FAM117B: variants seen among roughly 807,000 people sequenced by gnomAD.
The protein encoded by FAM117B is family with sequence similarity 117 member B.
Under a neutral mutation model 52.8 loss-of-function variants are expected in FAM117B, and 22 were observed. That is an observed-to-expected ratio of 0.42 (90% CI 0.30 to 0.59). The LOEUF is 0.59. Ranked by LOEUF, FAM117B falls within the 20% of genes least tolerant of loss-of-function variation. The pLI, the probability that FAM117B is intolerant of heterozygous loss-of-function variation, is 0.22. For missense variants in FAM117B, 678 were observed against 802.6 expected, an observed-to-expected ratio of 0.84 and a Z score of 1.88; for synonymous variants, 309 against 324.1, an observed-to-expected ratio of 0.95 and a Z score of 0.50.
chr2:202,729,486 T>C (rs984517591), intron 4 of FAM117B, among the ~76,000 whole-genome samples: 4 of 152,228 alleles, frequency 2.6e-5, no homozygotes, highest in Non-Finnish European at 5.9e-5. Context: ...CATACAATAT[T>C]TATTAATCAT....
chr2:202,734,998 T>A (rs1416587650), intron 4 of FAM117B, among the ~76,000 whole-genome samples: 1 of 152,054 alleles, frequency 6.6e-6, no homozygotes, highest in East Asian at 1.9e-4. Flanking sequence ...ATTGCTGACA[T>A]TTTTTTTCTT....
intron 2 of FAM117B, among the ~76,000 whole-genome samples, chr2:202,700,088 T>G (rs1156786166): frequency 6.6e-6 from 1 of 152,230 alleles, no homozygotes; most frequent in Non-Finnish European, 1.5e-5. Context: ...ATTGGGCCTC[T>G]TTGTTTTCTC....
chr2:202,730,358 G>T (rs560716221), intron 4 of FAM117B, among the ~76,000 whole-genome samples: 2 of 152,206 alleles, frequency 1.3e-5, no homozygotes, highest in South Asian at 4.1e-4. Context: ...TAAGGATGAT[G>T]TCAATTTTAA....
At chr2:202,659,035 ATC>A (rs1175157137) in intron 1 of FAM117B, among the ~76,000 whole-genome samples, 1 of 151,374 alleles carries the variant, frequency 6.6e-6, no homozygotes, top group East Asian at 1.9e-4. Context: ...GAGATGGAAT[ATC>A]TCTCTGTCTC....
chr2:202,670,268 C>T (rs565384532), intron 1 of FAM117B, among the ~76,000 whole-genome samples: 1 of 151,728 alleles, frequency 6.6e-6, no homozygotes, highest in East Asian at 1.9e-4. Context: ...AAGGAGCATA[C>T]TTTCTTTTTT....
intron 1 of FAM117B, among the ~76,000 whole-genome samples, chr2:202,661,787 G>A (rs547626656): frequency 6.6e-6 from 1 of 151,896 alleles, no homozygotes; most frequent in Non-Finnish European, 1.5e-5. Flanking sequence ...ATGGTGGCGC[G>A]TGCCTGTAAT....
intron 1 of FAM117B, among the ~76,000 whole-genome samples, chr2:202,661,539 AG>A (rs1690126930): frequency 6.6e-6 from 1 of 152,194 alleles, no homozygotes; most frequent in Non-Finnish European, 1.5e-5. Context: ...ATAGCTATTA[AG>A]TGGTGTAATG....
At chr2:202,762,351 C>G (rs1191065395) in intron 7 of FAM117B, among the ~76,000 whole-genome samples, 1 of 152,078 alleles carries the variant, frequency 6.6e-6, no homozygotes, top group African/African-American at 2.4e-5. Context: ...AGATTTTGTA[C>G]TTCCGTCTCT....
intron 1 of FAM117B, among the ~76,000 whole-genome samples, chr2:202,686,513 A>G (rs1690538795): frequency 6.6e-6 from 1 of 152,338 alleles, no homozygotes; most frequent in South Asian, 2.1e-4. Flanking sequence ...ATCCGCGCCC[A>G]TCGGTAGGCT....
intron 1 of FAM117B, among the ~76,000 whole-genome samples, chr2:202,691,649 TTGTG>T (rs199855927): frequency 0.15 from 18,466 of 126,434 alleles, 1,491 homozygotes; most frequent in African/African-American, 0.22. Flanking sequence ...CCAGTTTACA[TTGTG>T]TGTGTGTGTG....
chr2:202,731,331 G>GAA (rs201554746), intron 4 of FAM117B, among the ~76,000 whole-genome samples: 14,095 of 32,072 alleles, frequency 0.44, 2,353 homozygotes, highest in Non-Finnish European at 0.52. Flanking sequence ...GGAGAAATTG[G>GAA]AATATATATA....
At chr2:202,644,068 T>TG (rs1689818443) in intron 1 of FAM117B, among the ~76,000 whole-genome samples, 2 of 144,634 alleles carry the variant, frequency 1.4e-5, no homozygotes, top group African/African-American at 5.2e-5. Context: ...TTTTTTGTTT[T>TG]TTTTTTTTTT....
chr2:202,670,977 T>A (rs1690289284), intron 1 of FAM117B, among the ~76,000 whole-genome samples: 1 of 152,266 alleles, frequency 6.6e-6, no homozygotes. Flanking sequence ...TGCAAAGCTT[T>A]ACTAATTTTT....
chr2:202,756,779 C>T (rs1166352850), intron 5 of FAM117B, among the ~76,000 whole-genome samples: 1 of 152,080 alleles, frequency 6.6e-6, no homozygotes, highest in African/African-American at 2.4e-5. Context: ...TTAACCTTTC[C>T]CCCATTTAGG....
In FAM117B at chr2:202,764,267, T is replaced by C. The variant is rs1691941866; in HGVS notation, c.1452-1179T>C. On this transcript the variant is annotated intron_variant, in intron 7 of 7. Transcript: ENST00000392238. ...TGCATTTTTATTGAACTGATTTAGA[T>C]TTTTTGTGTGTGTGTGAGACAGGGT... 2.0e-5 allele frequency among the ~76,000 whole-genome samples: 3 copies of C among 152,156 alleles called. No individual in the cohort carries two copies. In the South Asian group the frequency reaches 6.2e-4, roughly 32 times the overall value.
At position 202,717,991 on chromosome 2, in the gene FAM117B, C is replaced by T. The variant is rs574505894; in HGVS notation, c.754-6926C>T. 2.6e-5 allele frequency among the ~76,000 whole-genome samples: 4 copies of T among 152,052 alleles called. No homozygotes were observed. The East Asian group carries it at 5.8e-4, about 22-fold the overall frequency. ...TCTGCCTGGTGAGCTGGCACTCAGA[C>T]CACAAGATGCAGTCCTTCCCACTCT... On this transcript the variant is annotated intron_variant, in intron 2 of 7. Coordinates refer to ENST00000392238, the MANE Select transcript of FAM117B (RefSeq NM_173511.4).
At chr2:202,667,579 G>A (rs1348266114) in intron 1 of FAM117B, among the ~76,000 whole-genome samples, 4 of 152,138 alleles carry the variant, frequency 2.6e-5, no homozygotes, top group Non-Finnish European at 5.9e-5. Context: ...TGATAATTAT[G>A]TAGAGAGGAA....
intron 4 of FAM117B, among the ~76,000 whole-genome samples, chr2:202,731,203 A>T (rs1691338982): frequency 6.6e-6 from 1 of 151,616 alleles, no homozygotes; most frequent in Non-Finnish European, 1.5e-5. Flanking sequence ...CATGAAGAAG[A>T]TGCTCAATAT....
At chr2:202,659,516 G>T (rs907053601) in intron 1 of FAM117B, among the ~76,000 whole-genome samples, 3 of 150,054 alleles carry the variant, frequency 2.0e-5, no homozygotes, top group African/African-American at 7.4e-5. Context: ...TCACTGTGTT[G>T]CCCAGACTGG....
Sources: allele counts gnomAD v4.1 joint callset (sites outside exome capture counted in the v4.1 genomes callset), GRCh38; gene constraint gnomAD v4.1.1; transcripts MANE v1.5; gene names NCBI Gene and HGNC (gene_info 2026-07-23, HGNC 2026-07-21).